Variants in PATZ1 observed in about 807,000 individuals in gnomAD.
PATZ1 encodes POZ-, AT hook-, and zinc finger-containing protein 1.
PATZ1 carries 9 observed loss-of-function variants against 46.2 expected under a neutral mutation model. That is an observed-to-expected ratio of 0.19 (90% CI 0.12 to 0.34). PATZ1 has a LOEUF of 0.34. PATZ1 is among the 10% of genes least tolerant of loss of function. The pLI is 1.00. For synonymous variants in PATZ1, 426 were observed against 378.6 expected, an observed-to-expected ratio of 1.13 and a Z score of -1.45; for missense variants, 632 against 923.0, an observed-to-expected ratio of 0.68 and a Z score of 4.08.
intron 3 of PATZ1, 89 bp from the exon 4 acceptor site, chr22:31,329,013 T>G: frequency 7.1e-7 from 1 of 1,398,920 alleles, no homozygotes; most frequent in Non-Finnish European, 9.6e-7. Flanking sequence ...CCGCTCTGGC[T>G]AGCATTCCCA....
Position 31,327,343 on chromosome 22 carries a change from G to T in PATZ1, c.1646-34C>A. 6.4e-7 allele frequency: 1 copy of T among 1,573,828 alleles called. No individual in the cohort carries two copies. The highest frequency in any genetic ancestry group is 8.7e-7 in the Non-Finnish European group (1 of 1,152,944). ...AAACAAAATATAGGAGAGCGATGAG[G>T]CCAGGCTCTGGAGATGCCCCCTCCT... On this transcript the variant is annotated intron_variant, in intron 4 of 4. Transcript: ENST00000266269. This position sits in a 1 kb window ranked among gnomAD's most constrained non-coding sequence, Gnocchi z 4.2.
rs1229706182 is a variant in PATZ1 at position 31,337,857 on chromosome 22, C to T, written c.1336-1994G>A. ...TCAACACATACAGACATCTAACTGT[C>T]TCCTTACTGTACAGCCATAGCAAGA... On this transcript the variant is annotated intron_variant, in intron 2 of 4. Coordinates refer to ENST00000266269, the MANE Select transcript of PATZ1 (RefSeq NM_014323.3). 2.0e-5 allele frequency: 3 copies of T among 152,192 alleles called. No homozygotes were observed. The East Asian group carries it at 5.8e-4, about 29-fold the overall frequency. 9.4% of individuals were successfully genotyped at this position (152,192 alleles called of 1,614,324 possible). A position where few individuals can be genotyped will look rare whatever the true frequency, so the allele number is the denominator to read the frequency against.
At chr22:31,334,686 A>G (rs1371272323) in intron 3 of PATZ1, among the ~76,000 whole-genome samples, 1 of 152,128 alleles carries the variant, frequency 6.6e-6, no homozygotes, top group Non-Finnish European at 1.5e-5. Context: ...AAAGGGGGCT[A>G]TTCTTAACCC....
chr22:31,341,662 C>T (rs370660569), intron 2 of PATZ1: 7 of 1,611,994 alleles, frequency 4.3e-6, no homozygotes, highest in East Asian at 2.2e-5. Context: ...GGCGGCAGGC[C>T]GCTGCTGCTC....
rs1013592509 is a variant in PATZ1 at position 31,326,707 on chromosome 22, A to G, written c.*184T>C. The G allele has an allele frequency of 1.7e-5, 10 of 589,426 alleles. No homozygotes were observed. The highest frequency in any genetic ancestry group is 9.4e-5 in the Admixed American group (3 of 31,962). The allele number at this position is 589,426 out of a possible 1,614,324, so 36.5% of individuals were successfully genotyped here. A position where few individuals can be genotyped will look rare whatever the true frequency, so the allele number is the denominator to read the frequency against. On this transcript the variant is annotated 3_prime_UTR_variant, in exon 5 of 5. Transcript: ENST00000266269. ...GATATTTCTGCAGAATATCAGATGAAAATCTATTTCTAAAGACCATTGGGA... is the reference window on the plus strand; with the variant it reads ...GATATTTCTGCAGAATATCAGATGAGAATCTATTTCTAAAGACCATTGGGA...
At position 31,344,976 on chromosome 22, in the gene PATZ1, C is replaced by T. The variant is rs1463533609; in HGVS notation, c.627G>A (p.Glu209=). ...SNGIAGSMQP[E]EEAARAAGAA... is the part of the protein sequence containing the mutation. ...CACCAGCCGCCCGAGCTGCCTCCTCCTCTGGCTGCATGCTGCCGGCGATGC... is the reference window on the plus strand; with the variant it reads ...CACCAGCCGCCCGAGCTGCCTCCTCTTCTGGCTGCATGCTGCCGGCGATGC... Residue 209 remains glutamate, a synonymous_variant, in exon 1 of 5, where the codon GAG becomes GAA. Coordinates refer to ENST00000266269, the MANE Select transcript of PATZ1 (RefSeq NM_014323.3). 3.1e-6 allele frequency: 5 copies of T among 1,614,018 alleles called. No individual in the cohort carries two copies. The highest frequency in any genetic ancestry group is 4.2e-6 in the Non-Finnish European group (5 of 1,180,048).
chr22:31,330,001 T>C (rs2049419179), intron 3 of PATZ1, among the ~76,000 whole-genome samples: 1 of 152,210 alleles, frequency 6.6e-6, no homozygotes, highest in South Asian at 2.1e-4. Flanking sequence ...GGTTGACTCA[T>C]CATCAGGTGT....
chr22:31,327,325 A>C lies in PATZ1; in HGVS notation c.1646-16T>G. 6.2e-7 allele frequency: 1 copy of C among 1,607,278 alleles called. No homozygotes were observed. Among genetic ancestry groups the C allele is most frequent in the Non-Finnish European group, 8.5e-7 (1 of 1,175,748 alleles). On this transcript the variant is annotated splice_polypyrimidine_tract_variant and intron_variant, in intron 4 of 4. Transcript: ENST00000266269. This position sits in a 1 kb window ranked among gnomAD's most constrained non-coding sequence, Gnocchi z 4.2. ...TTCTGGCCTTCTACGAAAAAACAAA[A>C]TATAGGAGAGCGATGAGGCCAGGCT...
At chr22:31,330,693 A>G (rs1371501183) in intron 3 of PATZ1, among the ~76,000 whole-genome samples, 2 of 152,214 alleles carry the variant, frequency 1.3e-5, no homozygotes, top group Admixed American at 1.3e-4. Context: ...TTTGTATCCT[A>G]CTGCTCAAGA....
At chr22:31,338,940 T>G (rs2145823270) in intron 2 of PATZ1, among the ~76,000 whole-genome samples, 1 of 152,246 alleles carries the variant, frequency 6.6e-6, no homozygotes, top group African/African-American at 2.4e-5. Context: ...TCCCAGCTAC[T>G]CGGGGGCTGA....
chr22:31,342,753 G>A (rs971198873), intron 2 of PATZ1, 144 bp downstream of exon 2: 2 of 767,474 alleles, frequency 2.6e-6, no homozygotes, highest in African/African-American at 1.7e-5. Context: ...GAGAGCAGAG[G>A]GAGGGTGGAG....
chr22:31,327,349 C>T lies in PATZ1; in HGVS notation c.1646-40G>A, dbSNP rs1218802431. On this transcript the variant is annotated intron_variant, in intron 4 of 4. Transcript: ENST00000266269. The surrounding 1 kb of genome is among the most constrained non-coding windows in gnomAD (Gnocchi z 4.2). ...AATATAGGAGAGCGATGAGGCCAGG[C>T]TCTGGAGATGCCCCCTCCTGGAGGG... 1.3e-6 allele frequency: 2 copies of T among 1,551,450 alleles called. No individual in the cohort carries two copies. Among genetic ancestry groups the T allele is most frequent in the Non-Finnish European group, 1.8e-6 (2 of 1,136,212 alleles).
chr22:31,341,305 G>A, intron 2 of PATZ1: 2 of 1,471,628 alleles, frequency 1.4e-6, no homozygotes, highest in Non-Finnish European at 1.8e-6. Context: ...GGGCATGCTG[G>A]GCAGGAACCA....
In PATZ1 at chr22:31,335,646, C is replaced by T. The variant is rs199944149; in HGVS notation, c.1507+46G>A. Reference sequence around the variant, plus strand: ...GAGACACCCCTAGGCCTCCCATACACGCTCAGGCCCATCCTCTGGAAGTGA... The same window carrying T: ...GAGACACCCCTAGGCCTCCCATACATGCTCAGGCCCATCCTCTGGAAGTGA... On this transcript the variant is annotated intron_variant, in intron 3 of 4. Transcript: ENST00000266269. 2.7e-5 allele frequency: 43 copies of T among 1,585,726 alleles called. No individual in the cohort carries two copies. In the African/African-American group the frequency reaches 3.1e-4, roughly 11 times the overall value.
rs575492247 is a variant in PATZ1, at chr22:31,327,419, C to A, written c.1646-110G>T. On this transcript the variant is annotated intron_variant, in intron 4 of 4. Coordinates refer to ENST00000266269, the MANE Select transcript of PATZ1 (RefSeq NM_014323.3). This position sits in a 1 kb window ranked among gnomAD's most constrained non-coding sequence, Gnocchi z 4.2. The stretch of plus-strand genomic sequence containing the variant: ...CAGACCTGTGGAGGGCAGCCATTGG[C>A]CAGCCACTGCCCTGGCAGAACCCAC... 13 of 891,884 alleles carry A rather than the reference C, an allele frequency of 1.5e-5. No individual in the cohort carries two copies. The South Asian group carries it at 2.2e-4, about 15-fold the overall frequency. 55.2% of individuals were successfully genotyped at this position (891,884 alleles called of 1,614,324 possible).
chr22:31,335,399 C>T (rs1027435707), intron 3 of PATZ1: 3 of 337,690 alleles, frequency 8.9e-6, no homozygotes, highest in African/African-American at 2.1e-5. Context: ...TGCATCCATC[C>T]TGCCATCTGA....
chr22:31,329,051 T>A, intron 3 of PATZ1, 127 bp from the exon 4 acceptor site: 1 of 950,594 alleles, frequency 1.1e-6, no homozygotes, highest in Non-Finnish European at 1.5e-6. Flanking sequence ...AGGGGCCCCC[T>A]CCTGGCTCAA....
chr22:31,326,868 T>G lies in PATZ1; in HGVS notation c.*23A>C, dbSNP rs921681135. ...TCCCAGCAGTCCCCAGATGGTTGTT[T>G]CCGTGGGGACACAGCAGCTGCCTCA... is the stretch of plus-strand genomic sequence containing the variant. On this transcript the variant is annotated 3_prime_UTR_variant, in exon 5 of 5. Coordinates refer to ENST00000266269, the MANE Select transcript of PATZ1 (RefSeq NM_014323.3). The G allele has an allele frequency of 5.7e-6, 9 of 1,586,798 alleles. No individual in the cohort carries two copies. Among genetic ancestry groups the G allele is most frequent in the Non-Finnish European group, 7.7e-6 (9 of 1,164,496 alleles).
Position 31,327,488 on chromosome 22 carries a change from G to A in PATZ1, c.1646-179C>T, listed in dbSNP as rs1048486190. ...TCTGGGAGCCTGGAGTGCCTACAGG[G>A]GTGAAACGGCAGGGCCCTAGGGCTG... On this transcript the variant is annotated intron_variant, in intron 4 of 4. Coordinates refer to ENST00000266269, the MANE Select transcript of PATZ1 (RefSeq NM_014323.3). This position sits in a 1 kb window ranked among gnomAD's most constrained non-coding sequence, Gnocchi z 4.2. Among the ~76,000 whole-genome samples, 3 of 152,072 alleles carry A rather than the reference G, an allele frequency of 2.0e-5. No individual in the cohort carries two copies. The highest frequency in any genetic ancestry group is 6.5e-5 in the Admixed American group (1 of 15,280).
Sources: allele counts gnomAD v4.1 joint callset (sites outside exome capture counted in the v4.1 genomes callset), GRCh38; gene constraint gnomAD v4.1.1; non-coding constraint Gnocchi (gnomAD v3.1); transcripts MANE v1.5; gene names NCBI Gene and HGNC (gene_info 2026-07-23, HGNC 2026-07-21).